ERC1: variants seen among roughly 807,000 people sequenced by gnomAD.
ERC1 encodes RAB6 interacting protein 2.
ERC1 carries 56 observed loss-of-function variants against 132.0 expected under a neutral mutation model. The ratio of observed to expected loss-of-function variants is 0.42; its 90% CI spans 0.34 to 0.53. ERC1 has a LOEUF of 0.53. Ranked by LOEUF, ERC1 falls within the 20% of genes least tolerant of loss-of-function variation. The pLI is 0.03. For synonymous variants in ERC1, 478 were observed against 476.1 expected, an observed-to-expected ratio of 1.00 and a Z score of -0.05; for missense variants, 1,202 against 1,349.9, an observed-to-expected ratio of 0.89 and a Z score of 1.72.
intron 18 of ERC1, among the ~76,000 whole-genome samples, chr12:1,469,527 T>C (rs746577203): frequency 6.6e-6 from 1 of 152,258 alleles, no homozygotes; most frequent in Non-Finnish European, 1.5e-5. Context: ...TGGTGTGGGC[T>C]TCGCCTCCCC....
intron 2 of ERC1, among the ~76,000 whole-genome samples, chr12:1,037,047 A>C (rs1445600062): frequency 1.3e-5 from 2 of 152,242 alleles, no homozygotes; most frequent in Non-Finnish European, 2.9e-5. Flanking sequence ...GAAGGTATTT[A>C]AATCAGTGTG....
intron 13 of ERC1, among the ~76,000 whole-genome samples, chr12:1,255,598 T>TTCAGCATC: frequency 6.6e-6 from 1 of 150,522 alleles, no homozygotes; most frequent in Non-Finnish European, 1.5e-5. Flanking sequence ...CCACAACCTC[T>TTCAGCATC]TCAGCATCTG....
At position 1,110,252 on chromosome 12, in the gene ERC1, C is replaced by T. The variant is rs766476172; in HGVS notation, c.1222C>T (p.Leu408=). 10 of 1,613,106 alleles carry T rather than the reference C, an allele frequency of 6.2e-6. No individual in the cohort carries two copies. Among genetic ancestry groups the T allele is most frequent in the African/African-American group, 4.0e-5 (3 of 74,828 alleles). Residue 408 remains leucine (L), a synonymous_variant, in exon 5 of 19, where the codon CTG becomes TTG. Coordinates refer to ENST00000360905, the MANE Select transcript of ERC1 (RefSeq NM_178040.4). ...AGACCTGGAAGAGGAAATTCAGATG[C>T]TGAAATCGAATGGTGCTTTGAGTAC... ...LRDLEEEIQM[L]KSNGALSTEE... is the part of the protein sequence containing the mutation.
chr12:1,484,265 A>G (rs902725877), intron 18 of ERC1, among the ~76,000 whole-genome samples: 8 of 151,324 alleles, frequency 5.3e-5, no homozygotes, highest in Non-Finnish European at 1.0e-4. Flanking sequence ...AGATCGCACC[A>G]CTGCACTCCA....
chr12:1,476,357 G>A (rs1296643681), intron 18 of ERC1, among the ~76,000 whole-genome samples: 3 of 151,482 alleles, frequency 2.0e-5, no homozygotes, highest in Non-Finnish European at 2.9e-5. Context: ...GGAGTTAGAG[G>A]TTACAGTGAG....
In ERC1 at chr12:1,444,735, G is replaced by A; in HGVS notation, c.3198G>A (p.Lys1066=). ...DQAAWENELQ[K]MTRGQLQDEL... is the part of the protein sequence containing the mutation. Reference sequence around the variant, plus strand: ...CGGCTTGGGAGAATGAGCTGCAGAAGATGACCCGGGGGCAGGTGAGCCTCT... The same window carrying A: ...CGGCTTGGGAGAATGAGCTGCAGAAAATGACCCGGGGGCAGGTGAGCCTCT... Residue 1066 remains lysine, a synonymous_variant, in exon 18 of 19, where the codon AAG becomes AAA. Transcript: ENST00000360905. The A allele has an allele frequency of 6.2e-7, 1 of 1,613,938 alleles. No homozygotes were observed. The highest frequency in any genetic ancestry group is 8.5e-7 in the Non-Finnish European group (1 of 1,179,934).
intron 14 of ERC1, among the ~76,000 whole-genome samples, chr12:1,282,964 G>A (rs966137335): frequency 7.2e-5 from 11 of 152,200 alleles, no homozygotes; most frequent in Middle Eastern, 3.4e-3. Flanking sequence ...TTTTCCATAC[G>A]CATCTTGGAA....
At chr12:1,159,366 G>A (rs749662518) in intron 8 of ERC1, among the ~76,000 whole-genome samples, 7 of 152,104 alleles carry the variant, frequency 4.6e-5, no homozygotes, top group Non-Finnish European at 7.4e-5. Flanking sequence ...TAGGATTCAC[G>A]CTCTTGTGAG....
chr12:1,070,085 G>C (rs1432985536), intron 2 of ERC1, among the ~76,000 whole-genome samples: 1 of 152,062 alleles, frequency 6.6e-6, no homozygotes, highest in Admixed American at 6.6e-5. Flanking sequence ...AAGCAAATAA[G>C]GCAAATTATT....
intron 15 of ERC1, among the ~76,000 whole-genome samples, chr12:1,322,436 A>C (rs1314879593): frequency 6.6e-6 from 1 of 152,152 alleles, no homozygotes; most frequent in Non-Finnish European, 1.5e-5. Flanking sequence ...CCATTATACC[A>C]AGCAGCATCC....
chr12:1,212,216 A>G (rs1321779529), intron 12 of ERC1, among the ~76,000 whole-genome samples: 1 of 151,270 alleles, frequency 6.6e-6, no homozygotes. Flanking sequence ...CTTTTTCTCT[A>G]CTCTCTCCTC....
intron 7 of ERC1, among the ~76,000 whole-genome samples, chr12:1,127,875 G>A (rs1175135162): frequency 1.3e-5 from 2 of 152,144 alleles, no homozygotes; most frequent in Non-Finnish European, 2.9e-5. Context: ...ATAGACCTTG[G>A]TCCTAAGTGA....
chr12:1,447,372 C>T (rs919905935), intron 18 of ERC1, among the ~76,000 whole-genome samples: 6 of 151,504 alleles, frequency 4.0e-5, no homozygotes, highest in Non-Finnish European at 7.4e-5. Context: ...TAAAATTATC[C>T]AGACATGGTG....
At chr12:1,212,406 C>G (rs752986342) in intron 12 of ERC1, among the ~76,000 whole-genome samples, 2 of 152,130 alleles carry the variant, frequency 1.3e-5, no homozygotes, top group Admixed American at 6.5e-5. Context: ...CTTTCCTGAT[C>G]ATCACCACCA....
chr12:1,446,634 A>G (rs1372687649), intron 18 of ERC1, among the ~76,000 whole-genome samples: 4 of 152,238 alleles, frequency 2.6e-5, no homozygotes, highest in African/African-American at 2.4e-5. Flanking sequence ...TAAAGATGAC[A>G]GTGAAAACCC....
intron 16 of ERC1, among the ~76,000 whole-genome samples, chr12:1,395,909 TAAG>T (rs1417826357): frequency 2.7e-5 from 4 of 149,686 alleles, no homozygotes; most frequent in Non-Finnish European, 5.9e-5. Context: ...TACCCTGAGA[TAAG>T]AAGAAAAACT....
chr12:1,440,293 C>A (rs1192254354), intron 17 of ERC1, among the ~76,000 whole-genome samples: 1 of 147,492 alleles, frequency 6.8e-6, no homozygotes, highest in East Asian at 2.0e-4. Context: ...CAAGCTCCGC[C>A]TCCTGGGTTC....
intron 18 of ERC1, among the ~76,000 whole-genome samples, chr12:1,447,323 G>A (rs1269395831): frequency 1.3e-5 from 2 of 152,054 alleles, no homozygotes; most frequent in East Asian, 3.9e-4. Context: ...TTCAAAACCA[G>A]CCTGGGCAAC....
At position 1,083,259 on chromosome 12, in the gene ERC1, CG is replaced by C; in HGVS notation, c.766del (p.Glu256AsnfsTer4). 1 of 1,614,136 alleles carries C rather than the reference CG, an allele frequency of 6.2e-7. No individual in the cohort carries two copies. Among genetic ancestry groups the C allele is most frequent in the African/African-American group, 1.3e-5 (1 of 75,050 alleles). ...FQQDSSSRTGEPCVAELTEEN... is the reference protein window; with the variant it reads ...FQQDSSSRTGXPCVAELTEEN... ...AGCAGGATAGTAGCAGCAGGACTGG[CG>C]AACCTTGTGTAGCAGAGCTGACAGA... On this transcript the variant is annotated frameshift_variant, in exon 3 of 19. Coordinates refer to ENST00000360905, the MANE Select transcript of ERC1 (RefSeq NM_178040.4). LOFTEE classifies it high-confidence loss of function.
Sources: allele counts gnomAD v4.1 joint callset (sites outside exome capture counted in the v4.1 genomes callset), GRCh38; gene constraint gnomAD v4.1.1; transcripts MANE v1.5; gene names NCBI Gene and HGNC (gene_info 2026-07-23, HGNC 2026-07-21).